Variants in CX3CR1 observed in about 807,000 individuals in gnomAD.
CX3CR1 encodes the protein CX3C chemokine receptor 1.
For missense variants in CX3CR1, 363 were observed against 432.4 expected, an observed-to-expected ratio of 0.84 and a Z score of 1.42; for synonymous variants, 168 against 178.5, an observed-to-expected ratio of 0.94 and a Z score of 0.47.
the CX3CR1 span, among the ~76,000 whole-genome samples, chr3:39,290,353 T>A: frequency 9.9e-5 from 15 of 152,274 alleles, no homozygotes; most frequent in African/African-American, 3.4e-4. Context: ...GTGGGGATGT[T>A]TAGTTTTGTG....
chr3:39,271,749 T>TA (rs1193874173), intron 1 of CX3CR1, among the ~76,000 whole-genome samples: 2 of 152,206 alleles, frequency 1.3e-5, no homozygotes, highest in East Asian at 1.9e-4. Context: ...ACCATTTACA[T>TA]AAAAAATCTG....
rs370155154 is a variant in CX3CR1 at position 39,266,392 on chromosome 3, C to T, written c.118G>A (p.Val40Ile). 42 of 1,614,018 alleles carry T rather than the reference C, an allele frequency of 2.6e-5. No homozygotes were observed. Among genetic ancestry groups the T allele is most frequent in the African/African-American group, 1.3e-4 (10 of 74,902 alleles). The change falls in exon 2 of 2, where the codon GTC (valine) becomes ATC (isoleucine). Residue 40 changes from valine (V) to isoleucine (I), a missense_variant. Physicochemically the swap from Val to Ile is conservative, Grantham distance 29. Transcript: ENST00000399220. Reference sequence around the variant, plus strand: ...CCCACCAGGCCAATGGCAAAGATGACGGAGTAGAATATGGACAGGAACACA... The same window carrying T: ...CCCACCAGGCCAATGGCAAAGATGATGGAGTAGAATATGGACAGGAACACA... ...GTVFLSIFYS[V>I]IFAIGLVGNL...
chr3:39,290,724 A>G, the CX3CR1 span, among the ~76,000 whole-genome samples: 2 of 152,130 alleles, frequency 1.3e-5, no homozygotes, highest in Non-Finnish European at 2.9e-5. Context: ...GTTTGAGACC[A>G]GCCTGGCCAA....
At chr3:39,269,874 A>G (rs1290634337) in intron 1 of CX3CR1, among the ~76,000 whole-genome samples, 9 of 152,240 alleles carry the variant, frequency 5.9e-5, no homozygotes, top group Non-Finnish European at 1.2e-4. Flanking sequence ...CATGCTACAG[A>G]GGAAAGAGCA....
At chr3:39,287,266 G>A in the CX3CR1 span, 2 of 152,080 alleles carry the variant, frequency 1.3e-5, no homozygotes, top group African/African-American at 4.8e-5. Flanking sequence ...CACACTCACA[G>A]TTTTATCTAT....
At chr3:39,287,677 G>A in the CX3CR1 span, 5 of 152,204 alleles carry the variant, frequency 3.3e-5, no homozygotes, top group Admixed American at 3.3e-4. Flanking sequence ...GAAGGTTCAC[G>A]TATTCTCCTT....
chr3:39,283,837 AT>A (rs2040927339), upstream of CX3CR1, among the ~76,000 whole-genome samples: 10 of 126,410 alleles, frequency 7.9e-5, no homozygotes, highest in African/African-American at 2.8e-4. Context: ...ATATATATAT[AT>A]ATAATGTGGT....
At chr3:39,289,456 G>A in the CX3CR1 span, among the ~76,000 whole-genome samples, 73 of 152,206 alleles carry the variant, frequency 4.8e-4, no homozygotes, top group Middle Eastern at 3.4e-3. Context: ...TTGCTGAAGC[G>A]CAGCTGTCCC....
upstream of CX3CR1, chr3:39,280,519 T>C (rs2040883781): frequency 7.3e-6 from 7 of 961,826 alleles, no homozygotes; most frequent in Non-Finnish European, 8.7e-6. Context: ...ATCTGCATTT[T>C]AATGAAATTC....
Position 39,274,481 on chromosome 3 carries a change from C to CAAAA in CX3CR1, c.-10+5469_-10+5472dup, listed in dbSNP as rs10663570. On this transcript the variant is annotated intron_variant, in intron 1 of 1. Coordinates refer to ENST00000399220, the MANE Select transcript of CX3CR1 (RefSeq NM_001337.4). ...CCCAACCCTTCCCTCCAACCACCAC[C>CAAAA]AAAAAAAAAAAAAAAAAAAAAATAG... is the stretch of plus-strand genomic sequence containing the variant. Among the ~76,000 whole-genome samples the CAAAA allele has an allele frequency of 7.6e-3, 674 of 88,142 alleles. 14 individuals carry two copies. Among genetic ancestry groups the CAAAA allele is most frequent in the Non-Finnish European group, 9.8e-3 (455 of 46,270 alleles). The allele number at this position is 88,142 out of a possible 152,430, so 57.8% of individuals were successfully genotyped here.
rs1186370932 is a variant in CX3CR1, at chr3:39,265,997, T to C, written c.513A>G (p.Lys171=). ...AAPQFMFTKQ[K]ENECLGDYPE... Reference sequence around the variant, plus strand: ...GGTAGTCACCAAGGCATTCATTTTCTTTCTGCTTTGTGAACATGAACTGGG... The same window carrying C: ...GGTAGTCACCAAGGCATTCATTTTCCTTCTGCTTTGTGAACATGAACTGGG... Residue 171 remains lysine (K), a synonymous_variant, in exon 2 of 2, where the codon AAA becomes AAG. Coordinates refer to ENST00000399220, the MANE Select transcript of CX3CR1 (RefSeq NM_001337.4). 6.2e-7 allele frequency: 1 copy of C among 1,614,108 alleles called. No homozygotes were observed. The highest frequency in any genetic ancestry group is 2.2e-5 in the East Asian group (1 of 44,898).
At chr3:39,271,130 T>C (rs1340545021) in intron 1 of CX3CR1, among the ~76,000 whole-genome samples, 1 of 152,228 alleles carries the variant, frequency 6.6e-6, no homozygotes, top group Non-Finnish European at 1.5e-5. Context: ...ACCCACGTCC[T>C]CTTCAGCTCT....
At chr3:39,287,943 A>C in the CX3CR1 span, 3 of 152,152 alleles carry the variant, frequency 2.0e-5, no homozygotes, top group Non-Finnish European at 2.9e-5. Context: ...AACAGTTGTC[A>C]TATTCAAAAG....
chr3:39,289,569 G>A, the CX3CR1 span, among the ~76,000 whole-genome samples: 1 of 152,052 alleles, frequency 6.6e-6, no homozygotes, highest in Non-Finnish European at 1.5e-5. Context: ...AAACTGGTGG[G>A]CAATCTTGTC....
chr3:39,269,787 C>T (rs961197676), intron 1 of CX3CR1, among the ~76,000 whole-genome samples: 1 of 152,194 alleles, frequency 6.6e-6, no homozygotes, highest in East Asian at 1.9e-4. Context: ...ACAGGAGTCT[C>T]TCAGTGCTGG....
chr3:39,272,033 C>G (rs34808142), intron 1 of CX3CR1, among the ~76,000 whole-genome samples: 1 of 152,130 alleles, frequency 6.6e-6, no homozygotes, highest in African/African-American at 2.4e-5. Context: ...TTTCCTTTGT[C>G]CCTGAGGGAC....
At position 39,275,829 on chromosome 3, in the gene CX3CR1, A is replaced by G. The variant is rs55905746; in HGVS notation, c.-10+4125T>C. ...TAGAAGTGTTTATTATTGCTCAGTA[A>G]CAGAATATAAGAAAAGTCATGGGAA... On this transcript the variant is annotated intron_variant, in intron 1 of 1. Coordinates refer to ENST00000399220, the MANE Select transcript of CX3CR1 (RefSeq NM_001337.4). Among the ~76,000 whole-genome samples, 17 of 152,254 alleles carry G rather than the reference A, an allele frequency of 1.1e-4. No homozygotes were observed. In the East Asian group the frequency reaches 3.3e-3, roughly 29 times the overall value.
chr3:39,291,873 A>G, the CX3CR1 span, among the ~76,000 whole-genome samples: 2 of 152,238 alleles, frequency 1.3e-5, no homozygotes, highest in Non-Finnish European at 2.9e-5. Flanking sequence ...TGTTTCTCTA[A>G]GAGTCACTGA....
At chr3:39,268,873 A>G (rs949717248) in intron 1 of CX3CR1, among the ~76,000 whole-genome samples, 1 of 152,168 alleles carries the variant, frequency 6.6e-6, no homozygotes, top group Non-Finnish European at 1.5e-5. Flanking sequence ...CACTTAATAC[A>G]TGTTCAATTT....
Sources: gnomAD v4.1 joint callset for allele counts (sites outside exome capture counted in the v4.1 genomes callset) on GRCh38, gnomAD v4.1.1 for gene constraint, MANE v1.5 for transcripts, NCBI Gene and HGNC (gene_info 2026-07-23, HGNC 2026-07-21) for gene names.